The following PCDH15 variants were observed in gnomAD, a reference collection of about 807,000 sequenced individuals.
The protein encoded by PCDH15 is protocadherin-15.
Under a neutral mutation model 178.5 loss-of-function variants are expected in PCDH15, and 129 were observed. The ratio of observed to expected loss-of-function variants is 0.72; its 90% confidence interval spans 0.63 to 0.84. The LOEUF (loss-of-function observed/expected upper bound fraction) is 0.84, where lower values mean the gene tolerates loss of function less well. Among genes scored for constraint, PCDH15 ranks in the 40% least tolerant of loss-of-function variants. PCDH15 has a pLI of 0.00. For synonymous variants in PCDH15, 800 were observed against 732.0 expected (o/e 1.09, Z -1.50); for missense variants, 2,230 against 2,099.9 (o/e 1.06, Z -1.21).
At chr10:53,986,614 G>T (rs1245755591) in intron 21 of PCDH15, among the ~76,000 whole-genome samples, 1 of 152,144 alleles carries the variant, frequency 6.6e-6, no homozygotes, top group Admixed American at 6.5e-5. Context: ...AGAAAATGTG[G>T]TATATGCATA....
chr10:54,983,635 T>C (rs1839295464), intron 2 of PCDH15, among the ~76,000 whole-genome samples: 2 of 152,166 alleles, frequency 1.3e-5, no homozygotes, highest in African/African-American at 4.8e-5. Context: ...TTCATCTCAC[T>C]AAATGTTATT....
rs140981912 is a variant in PCDH15, at chr10:54,074,432, G to T, written c.2091+4899C>A. Reference sequence around the variant, plus strand: ...CATTCTAAGTACCAAAATATAAGTGGAATCATATGGAATTTAACATTTTGT... The same window carrying T: ...CATTCTAAGTACCAAAATATAAGTGTAATCATATGGAATTTAACATTTTGT... On this transcript the variant is annotated intron_variant, in intron 17 of 37. Coordinates refer to ENST00000644397, the MANE Select transcript of PCDH15 (RefSeq NM_001384140.1). Among the ~76,000 whole-genome samples the T allele has an allele frequency of 2.1e-3, 325 of 152,132 alleles. 3 individuals carry two copies. Among genetic ancestry groups the T allele is most frequent in the African/African-American group, 7.5e-3 (312 of 41,492 alleles).
At chr10:54,647,165 G>A (rs755880778) in intron 2 of PCDH15, among the ~76,000 whole-genome samples, 17 of 152,018 alleles carry the variant, frequency 1.1e-4, no homozygotes, top group Non-Finnish European at 1.6e-4. Flanking sequence ...CTTAAAGGGC[G>A]GAAAGAAAAT....
chr10:54,088,300 A>C (rs7081051), intron 16 of PCDH15, among the ~76,000 whole-genome samples: 34,480 of 152,088 alleles, frequency 0.23, 4,047 homozygotes, highest in Non-Finnish European at 0.25. Context: ...CTCTAATGAC[A>C]AATGAACAGT....
At chr10:53,962,702 A>G (rs184351704) in intron 21 of PCDH15, among the ~76,000 whole-genome samples, 219 of 152,296 alleles carry the variant, frequency 1.4e-3, no homozygotes, top group African/African-American at 5.0e-3. Flanking sequence ...ATAGGCCAAG[A>G]TAAGTTGGGA....
At chr10:54,203,533 G>C (rs2050467526) in intron 10 of PCDH15, among the ~76,000 whole-genome samples, 1 of 152,156 alleles carries the variant, frequency 6.6e-6, no homozygotes, top group Non-Finnish European at 1.5e-5. Flanking sequence ...TCTAGTCAGA[G>C]TCAGAGAAAG....
intron 2 of PCDH15, among the ~76,000 whole-genome samples, chr10:54,936,124 T>C (rs1598178): frequency 0.11 from 17,021 of 152,160 alleles, 1,309 homozygotes; most frequent in East Asian, 0.23. Context: ...ATATGGCATA[T>C]AAGTGGACTC....
At chr10:55,438,883 A>G (rs1045660263) in intron 2 of PCDH15, among the ~76,000 whole-genome samples, 1 of 150,756 alleles carries the variant, frequency 6.6e-6, no homozygotes, top group Non-Finnish European at 1.5e-5. Flanking sequence ...ACTAATTATT[A>G]TTATTAATTT....
intron 2 of PCDH15, among the ~76,000 whole-genome samples, chr10:55,559,864 T>C (rs1168008586): frequency 6.6e-6 from 1 of 151,936 alleles, no homozygotes; most frequent in African/African-American, 2.4e-5. Context: ...GAGTTCTCTT[T>C]ACATAATATT....
At chr10:54,057,300 C>A (rs540942279) in intron 18 of PCDH15, among the ~76,000 whole-genome samples, 1 of 152,258 alleles carries the variant, frequency 6.6e-6, no homozygotes, top group Non-Finnish European at 1.5e-5. Flanking sequence ...CAGAGGTTCT[C>A]CATGAGGGCT....
intron 1 of PCDH15, among the ~76,000 whole-genome samples, chr10:55,210,651 A>G (rs1379122256): frequency 5.1e-5 from 1 of 19,570 alleles, no homozygotes; most frequent in East Asian, 1.9e-3. Context: ...TTTTTTTTTG[A>G]CGGAATCTCG....
chr10:54,942,426 G>A (rs1371381365), intron 2 of PCDH15, among the ~76,000 whole-genome samples: 1 of 150,916 alleles, frequency 6.6e-6, no homozygotes, highest in Non-Finnish European at 1.5e-5. Flanking sequence ...TAATTTTCAC[G>A]AGTTATTTTT....
chr10:53,975,760 G>A (rs1262300842), intron 21 of PCDH15, among the ~76,000 whole-genome samples: 1 of 151,436 alleles, frequency 6.6e-6, no homozygotes, highest in Non-Finnish European at 1.5e-5. Flanking sequence ...CTGGGGCAAA[G>A]CTCTTTAGTT....
intron 26 of PCDH15, among the ~76,000 whole-genome samples, chr10:53,878,223 T>TATATATATATATATATATTCTAC (rs1564665228): frequency 1.1e-3 from 23 of 21,794 alleles, no homozygotes; most frequent in African/African-American, 1.9e-3. Context: ...TGAATATATA[T>TATATATATATATATATATTCTAC]ATATATATAT....
chr10:54,090,150 G>T, intron 15 of PCDH15, 87 bp from the exon 16 acceptor site: 3 of 1,002,084 alleles, frequency 3.0e-6, no homozygotes, highest in Non-Finnish European at 3.2e-6. Flanking sequence ...GAAACTAATA[G>T]CACAGAATGT....
intron 3 of PCDH15, among the ~76,000 whole-genome samples, chr10:54,519,708 C>A (rs1452632262): frequency 6.6e-5 from 10 of 152,008 alleles, no homozygotes; most frequent in East Asian, 1.9e-4. Context: ...ATTGGAAAAA[C>A]CTCCTTTAAA....
intron 2 of PCDH15, among the ~76,000 whole-genome samples, chr10:55,081,475 C>A (rs1842041001): frequency 6.6e-6 from 1 of 152,102 alleles, no homozygotes; most frequent in African/African-American, 2.4e-5. Flanking sequence ...CTTTGGAGTA[C>A]TTTCATCTTA....
intron 3 of PCDH15, among the ~76,000 whole-genome samples, chr10:54,852,464 T>G (rs1197716747): frequency 1.3e-5 from 2 of 152,190 alleles, no homozygotes; most frequent in Admixed American, 6.6e-5. Context: ...ACTGATGTTA[T>G]AGAAAAGGTT....
chr10:54,883,959 G>A (rs1018584408), intron 3 of PCDH15, among the ~76,000 whole-genome samples: 1 of 152,050 alleles, frequency 6.6e-6, no homozygotes, highest in South Asian at 2.1e-4. Flanking sequence ...TTATGTTTCA[G>A]CTTAATTTAT....
Sources: gnomAD v4.1 joint callset for allele counts (sites outside exome capture counted in the v4.1 genomes callset) on GRCh38, gnomAD v4.1.1 for gene constraint, MANE v1.5 for transcripts, NCBI Gene and HGNC (gene_info 2026-07-23, HGNC 2026-07-21) for gene names.